Variants in COXFA4L2 observed in about 807,000 individuals in gnomAD.
COXFA4L2 encodes the protein NADH dehydrogenase (ubiquinone) 1 alpha subcomplex, 4-like 2.
At chr12:57,236,456 G>T in the COXFA4L2 span, 2 of 688,946 alleles carry the variant, frequency 2.9e-6, no homozygotes, top group Non-Finnish European at 4.6e-6. Context: ...GGTCAGCAGT[G>T]GGCTCCAGCC....
At chr12:57,237,013 G>T in the COXFA4L2 span, 3 of 1,614,194 alleles carry the variant, frequency 1.9e-6, no homozygotes, top group East Asian at 6.7e-5. Context: ...GAGGTTCTGA[G>T]GTTCTGAGGA....
chr12:57,238,177 G>A, the COXFA4L2 span, among the ~76,000 whole-genome samples: 1 of 152,118 alleles, frequency 6.6e-6, no homozygotes, highest in South Asian at 2.1e-4. The surrounding 1 kb of genome is among the most constrained non-coding windows in gnomAD (Gnocchi z 6.8). Flanking sequence ...GGGCGGGAGC[G>A]AGCTATGCAC....
At chr12:57,235,348 G>A in the COXFA4L2 span, 3 of 601,218 alleles carry the variant, frequency 5.0e-6, no homozygotes, top group South Asian at 3.9e-5. Flanking sequence ...TCCCCCACGT[G>A]GGACTCAAGC....
chr12:57,235,868 C>T, the COXFA4L2 span: 2 of 1,437,000 alleles, frequency 1.4e-6, no homozygotes, highest in Non-Finnish European at 9.3e-7. Context: ...AACTCTGTAA[C>T]CCAATTTGAC....
At chr12:57,235,310 AC>A in the COXFA4L2 span, 1 of 585,034 alleles carries the variant, frequency 1.7e-6, no homozygotes, top group Non-Finnish European at 3.1e-6. Context: ...CTCTTGGTGG[AC>A]CCCTGCTGGT....
At chr12:57,235,692 G>A in the COXFA4L2 span, 16 of 1,612,358 alleles carry the variant, frequency 9.9e-6, no homozygotes, top group Non-Finnish European at 1.3e-5. Context: ...GGAGTTGTGG[G>A]TGCCAGGACC....
chr12:57,237,194 T>C, the COXFA4L2 span: 2 of 1,596,846 alleles, frequency 1.3e-6, no homozygotes, highest in Non-Finnish European at 1.7e-6. Flanking sequence ...CAGCTTAGCT[T>C]GGCCCAGCCC....
chr12:57,238,633 A>G, the COXFA4L2 span, among the ~76,000 whole-genome samples: 1 of 152,124 alleles, frequency 6.6e-6, no homozygotes, highest in Non-Finnish European at 1.5e-5. The surrounding 1 kb of genome is among the most constrained non-coding windows in gnomAD (Gnocchi z 6.8). Flanking sequence ...GGGAGCCAGG[A>G]CGCCGGAAGG....
chr12:57,236,368 G>A, the COXFA4L2 span: 4 of 493,754 alleles, frequency 8.1e-6, no homozygotes, highest in Non-Finnish European at 1.4e-5. Context: ...CGGGAGAGGC[G>A]CGGGTTCCGC....
chr12:57,235,282 CAG>C, the COXFA4L2 span: 1 of 557,710 alleles, frequency 1.8e-6, no homozygotes, highest in Non-Finnish European at 3.2e-6. Flanking sequence ...GGTAGGAGGG[CAG>C]AGGGGCTGGT....
At chr12:57,236,445 A>AGT in the COXFA4L2 span, 5 of 626,808 alleles carry the variant, frequency 8.0e-6, no homozygotes, top group African/African-American at 9.6e-5. Flanking sequence ...GGGGTCTCCC[A>AGT]GGTCAGCAGT....
At chr12:57,236,515 ATC>A in the COXFA4L2 span, 2 of 1,244,436 alleles carry the variant, frequency 1.6e-6, no homozygotes, top group Non-Finnish European at 2.2e-6. Flanking sequence ...AGGGCACGGG[ATC>A]CCCACTAGGG....
chr12:57,238,535 AGTCTCTG>A, the COXFA4L2 span, among the ~76,000 whole-genome samples: 1 of 152,144 alleles, frequency 6.6e-6, no homozygotes, highest in Non-Finnish European at 1.5e-5. This position sits in a 1 kb window ranked among gnomAD's most constrained non-coding sequence, Gnocchi z 6.8. Context: ...CCAGCCCTCC[AGTCTCTG>A]GGACCAAAAA....
chr12:57,235,823 G>A, the COXFA4L2 span: 4 of 1,527,078 alleles, frequency 2.6e-6, no homozygotes, highest in East Asian at 2.3e-5. Flanking sequence ...TGGAGCAGGA[G>A]GGGGGAGGGT....
the COXFA4L2 span, chr12:57,237,307 C>G: frequency 1.4e-6 from 2 of 1,428,390 alleles, no homozygotes; most frequent in East Asian, 2.5e-5. Flanking sequence ...GGTTTCTGCT[C>G]TCCGACTCTC....
the COXFA4L2 span, among the ~76,000 whole-genome samples, chr12:57,238,408 G>C: frequency 7.4e-6 from 1 of 135,006 alleles, no homozygotes; most frequent in African/African-American, 3.6e-5. The surrounding 1 kb of genome is among the most constrained non-coding windows in gnomAD (Gnocchi z 6.8). Flanking sequence ...CGATGTGTGT[G>C]GGGGGGGCGG....
chr12:57,240,655 GCACTGT>G, the COXFA4L2 span: 1 of 984,816 alleles, frequency 1.0e-6, no homozygotes, highest in African/African-American at 1.7e-5. Flanking sequence ...ACACGCCTAC[GCACTGT>G]CACTGAGACA....
the COXFA4L2 span, chr12:57,237,193 T>C: frequency 1.3e-6 from 2 of 1,599,542 alleles, no homozygotes; most frequent in Non-Finnish European, 8.5e-7. Flanking sequence ...GCAGCTTAGC[T>C]TGGCCCAGCC....
the COXFA4L2 span, chr12:57,240,619 C>T: frequency 3.1e-6 from 3 of 973,394 alleles, no homozygotes; most frequent in Non-Finnish European, 3.7e-6. Flanking sequence ...TTCGGATACA[C>T]GCCGCCGCGC....
Sources: gnomAD v4.1 joint callset for allele counts (sites outside exome capture counted in the v4.1 genomes callset) on GRCh38, gnomAD v4.1.1 for gene constraint, Gnocchi (gnomAD v3.1) non-coding constraint, MANE v1.5 for transcripts, NCBI Gene and HGNC (gene_info 2026-07-23, HGNC 2026-07-21) for gene names.